GSDMC: variants seen among roughly 807,000 people sequenced by gnomAD.
GSDMC encodes the protein gasdermin C.
A neutral mutation model predicts 58.0 loss-of-function variants in GSDMC; 59 were observed. The ratio of observed to expected loss-of-function variants is 1.02; its 90% CI spans 0.82 to 1.26. The LOEUF is 1.26. GSDMC is among the 50% of genes most tolerant of loss of function. GSDMC has a pLI of 0.00. For missense variants in GSDMC, 659 were observed against 598.5 expected (o/e 1.10, Z -1.06); for synonymous variants, 241 against 220.2 (o/e 1.09, Z -0.83).
the GSDMC span, among the ~76,000 whole-genome samples, chr8:129,708,985 G>A: frequency 6.6e-6 from 1 of 152,228 alleles, no homozygotes; most frequent in East Asian, 1.9e-4. Context: ...AAGAGATGTG[G>A]AGGTTAAACG....
At chr8:129,720,037 A>G in the GSDMC span, among the ~76,000 whole-genome samples, 1 of 152,216 alleles carries the variant, frequency 6.6e-6, no homozygotes, top group Non-Finnish European at 1.5e-5. Flanking sequence ...ACCCTTTAGG[A>G]GTCCCTATGA....
intron 8 of GSDMC, 47 bp from the exon 9 acceptor site, chr8:129,751,938 AT>A (rs1450215714): frequency 6.3e-7 from 1 of 1,585,418 alleles, no homozygotes; most frequent in Non-Finnish European, 8.7e-7. Flanking sequence ...CAAAGACTAG[AT>A]TTCTCCAACC....
At chr8:129,758,137 G>T (rs1186678283) in intron 6 of GSDMC, among the ~76,000 whole-genome samples, 1 of 152,176 alleles carries the variant, frequency 6.6e-6, no homozygotes, top group Non-Finnish European at 1.5e-5. Context: ...TTCAATTGAT[G>T]CTAAAAAGGT....
chr8:129,752,571 T>G, intron 7 of GSDMC, 127 bp downstream of exon 7: 4 of 1,376,886 alleles, frequency 2.9e-6, no homozygotes, highest in Non-Finnish European at 3.9e-6. Flanking sequence ...CAGAGGAGGA[T>G]GAGCAAGATG....
chr8:129,775,284 G>A (rs4733740), intron 3 of GSDMC, among the ~76,000 whole-genome samples: 1 of 152,146 alleles, frequency 6.6e-6, no homozygotes, highest in Non-Finnish European at 1.5e-5. Context: ...AACCTTGATG[G>A]CATTATGCTA....
At chr8:129,776,330 C>A in intron 2 of GSDMC, 45 bp from the exon 3 acceptor site, 1 of 1,466,584 alleles carries the variant, frequency 6.8e-7, no homozygotes. Context: ...AGAATTCATT[C>A]AAGAATTCAA....
the GSDMC span, among the ~76,000 whole-genome samples, chr8:129,725,145 T>C: frequency 0.37 from 56,073 of 152,126 alleles, 13,935 homozygotes; most frequent in East Asian, 0.71. Flanking sequence ...CATTCACACA[T>C]GCCCTCTCTC....
chr8:129,773,263 G>T (rs75372294), intron 3 of GSDMC, among the ~76,000 whole-genome samples: 2,798 of 152,246 alleles, frequency 0.018, 93 homozygotes, highest in African/African-American at 0.063. Flanking sequence ...CACTGGAAAT[G>T]CTTGCCAGTG....
chr8:129,784,178 C>A (rs1240120663), intron 1 of GSDMC, among the ~76,000 whole-genome samples: 1 of 152,110 alleles, frequency 6.6e-6, no homozygotes, highest in East Asian at 1.9e-4. Context: ...GGACATTGGT[C>A]TAGGCAAAAA....
intron 9 of GSDMC, 38 bp from the exon 10 acceptor site, chr8:129,751,606 C>T (rs2033194996): frequency 6.2e-7 from 1 of 1,600,898 alleles, no homozygotes; most frequent in Non-Finnish European, 8.6e-7. Flanking sequence ...ACTTCCTCAT[C>T]CCCCCAAATT....
the GSDMC span, among the ~76,000 whole-genome samples, chr8:129,723,841 C>T: frequency 1.3e-5 from 2 of 152,168 alleles, no homozygotes; most frequent in Non-Finnish European, 2.9e-5. Flanking sequence ...TACTCTAGCC[C>T]TTCCAATTTT....
At chr8:129,774,837 AT>A (rs2130538607) in intron 3 of GSDMC, among the ~76,000 whole-genome samples, 1 of 152,294 alleles carries the variant, frequency 6.6e-6, no homozygotes, top group Non-Finnish European at 1.5e-5. Flanking sequence ...TGTGCTCAAA[AT>A]TACTTATCAG....
chr8:129,727,554 C>G, the GSDMC span, among the ~76,000 whole-genome samples: 1 of 152,158 alleles, frequency 6.6e-6, no homozygotes, highest in Non-Finnish European at 1.5e-5. Context: ...CTTTGTTTCT[C>G]TCAAGCTGTG....
intron 12 of GSDMC, 107 bp from the exon 13 acceptor site, chr8:129,749,632 TA>T: frequency 1.2e-6 from 1 of 826,056 alleles, no homozygotes. Context: ...GGCAGAGGAA[TA>T]AAACCCATTA....
chr8:129,711,778 T>C, the GSDMC span, among the ~76,000 whole-genome samples: 2 of 152,226 alleles, frequency 1.3e-5, no homozygotes, highest in Non-Finnish European at 2.9e-5. Flanking sequence ...ACTGATTTAG[T>C]CCTCATACTA....
chr8:129,714,448 AAG>A, the GSDMC span, among the ~76,000 whole-genome samples: 1 of 152,240 alleles, frequency 6.6e-6, no homozygotes, highest in Non-Finnish European at 1.5e-5. Flanking sequence ...ACTTGTTACA[AAG>A]AGAGAGCTTC....
Position 129,776,186 on chromosome 8 carries a change from C to T in GSDMC, c.320G>A (p.Gly107Glu). Reference sequence around the variant, plus strand: ...GCATCCATGGTCCACAGAGGCCTCCCCTGACACACTCACTTCTATACCAAC... The same window carrying T: ...GCATCCATGGTCCACAGAGGCCTCCTCTGACACACTCACTTCTATACCAAC... ...VNVGIEVSVS[G>E]EASVDHGCSL... is the part of the protein sequence containing the mutation. The change falls in exon 3 of 14, where the codon GGG becomes GAG. Residue 107 changes from glycine (G) to glutamate (E), a missense_variant. Coordinates refer to ENST00000276708, the MANE Select transcript of GSDMC (RefSeq NM_031415.3). The T allele has an allele frequency of 6.2e-7, 1 of 1,613,848 alleles. No individual in the cohort carries two copies. Among genetic ancestry groups the T allele is most frequent in the Non-Finnish European group, 8.5e-7 (1 of 1,179,784 alleles).
At chr8:129,708,737 G>T in the GSDMC span, among the ~76,000 whole-genome samples, 1 of 152,238 alleles carries the variant, frequency 6.6e-6, no homozygotes, top group Admixed American at 6.5e-5. Flanking sequence ...GATAGAAATT[G>T]GGAATGCCGT....
chr8:129,773,944 T>C (rs2034140606), intron 3 of GSDMC, among the ~76,000 whole-genome samples: 2 of 152,088 alleles, frequency 1.3e-5, no homozygotes, highest in South Asian at 4.1e-4. Flanking sequence ...ATATTTGTGC[T>C]CATGGATAAG....
Sources: gnomAD v4.1 joint callset for allele counts (sites outside exome capture counted in the v4.1 genomes callset) on GRCh38, gnomAD v4.1.1 for gene constraint, MANE v1.5 for transcripts, NCBI Gene and HGNC (gene_info 2026-07-23, HGNC 2026-07-21) for gene names.